The following EPHA5 variants were observed in gnomAD, a reference collection of about 807,000 sequenced individuals.
EPHA5 encodes ephrin type-A receptor 5.
A neutral mutation model predicts 105.0 loss-of-function variants in EPHA5; 60 were observed. The ratio of observed to expected loss-of-function variants is 0.57; its 90% confidence interval spans 0.46 to 0.71. The LOEUF is 0.71. Ranked by LOEUF, EPHA5 falls within the 30% of genes least tolerant of loss-of-function variation. EPHA5 has a pLI of 0.00. For synonymous variants in EPHA5, 513 were observed against 449.1 expected (o/e 1.14, Z -1.80); for missense variants, 1,218 against 1,274.7 (o/e 0.96, Z 0.68).
At chr4:65,594,975 T>G (rs1368167299) in intron 3 of EPHA5, among the ~76,000 whole-genome samples, 1 of 152,080 alleles carries the variant, frequency 6.6e-6, no homozygotes, top group Non-Finnish European at 1.5e-5. Context: ...ATTTCTCAGA[T>G]TTTTATAAGC....
intron 8 of EPHA5, among the ~76,000 whole-genome samples, chr4:65,367,841 G>T (rs1426637665): frequency 2.0e-5 from 3 of 151,826 alleles, no homozygotes; most frequent in Non-Finnish European, 2.9e-5. Flanking sequence ...CTGCACAATA[G>T]ATTTTTGATT....
At chr4:65,372,539 A>G (rs988413556) in intron 8 of EPHA5, among the ~76,000 whole-genome samples, 27 of 152,026 alleles carry the variant, frequency 1.8e-4, no homozygotes, top group African/African-American at 6.5e-4. Context: ...TTTAAGTTAG[A>G]CAAAAAGGGC....
At chr4:65,427,117 C>G (rs1372168092) in intron 5 of EPHA5, among the ~76,000 whole-genome samples, 7 of 150,610 alleles carry the variant, frequency 4.6e-5, no homozygotes, top group Non-Finnish European at 1.0e-4. Context: ...CACACAATTT[C>G]ATATTTATAT....
intron 1 of EPHA5, among the ~76,000 whole-genome samples, chr4:65,668,335 C>T (rs979144082): frequency 6.6e-6 from 1 of 152,144 alleles, no homozygotes. Context: ...TCTAGTGTCC[C>T]GTGCCCAGGA....
intron 3 of EPHA5, among the ~76,000 whole-genome samples, chr4:65,550,083 T>A (rs1482906002): frequency 6.6e-6 from 1 of 152,036 alleles, no homozygotes; most frequent in African/African-American, 2.4e-5. Flanking sequence ...CTTAGGAATT[T>A]TTTTCAAAGC....
intron 1 of EPHA5, among the ~76,000 whole-genome samples, chr4:65,659,428 G>C (rs1749368352): frequency 6.6e-6 from 1 of 151,356 alleles, no homozygotes; most frequent in South Asian, 2.1e-4. Context: ...CTCCCCTTGT[G>C]CCAGTGGGGA....
At chr4:65,640,538 G>A (rs1053972225) in intron 2 of EPHA5, among the ~76,000 whole-genome samples, 4 of 151,906 alleles carry the variant, frequency 2.6e-5, no homozygotes, top group East Asian at 3.9e-4. Context: ...CACCCGCCTC[G>A]GCCTCCCAAA....
intron 1 of EPHA5, among the ~76,000 whole-genome samples, chr4:65,667,185 G>T (rs892582577): frequency 6.6e-6 from 1 of 152,078 alleles, no homozygotes; most frequent in Non-Finnish European, 1.5e-5. Context: ...AACATTTTAT[G>T]AATATTTTAG....
intron 5 of EPHA5, among the ~76,000 whole-genome samples, chr4:65,489,513 T>G (rs749565275): frequency 1.3e-5 from 2 of 152,144 alleles, no homozygotes; most frequent in Admixed American, 1.3e-4. Context: ...TAGAGGAAAG[T>G]TACAACTTTT....
chr4:65,650,435 C>T (rs944650383), intron 1 of EPHA5, among the ~76,000 whole-genome samples: 3 of 151,618 alleles, frequency 2.0e-5, no homozygotes, highest in African/African-American at 7.3e-5. Flanking sequence ...TGGCGGGCGC[C>T]CGTAGTCCCA....
At chr4:65,324,476 G>A (rs1719888876) in intron 16 of EPHA5, among the ~76,000 whole-genome samples, 1 of 151,394 alleles carries the variant, frequency 6.6e-6, no homozygotes, top group African/African-American at 2.4e-5. Flanking sequence ...TTTTAGTGGT[G>A]CAGAGTGGTG....
intron 5 of EPHA5, among the ~76,000 whole-genome samples, chr4:65,431,179 T>G (rs570105816): frequency 6.6e-6 from 1 of 152,280 alleles, no homozygotes; most frequent in East Asian, 1.9e-4. Flanking sequence ...CTCCGCATGC[T>G]GCACCATAGA....
intron 11 of EPHA5, among the ~76,000 whole-genome samples, chr4:65,363,543 C>T (rs1024714364): frequency 6.6e-6 from 1 of 151,416 alleles, no homozygotes; most frequent in Non-Finnish European, 1.5e-5. Flanking sequence ...ATGGAGTTTG[C>T]ATTTACCCTG....
At chr4:65,653,094 G>A (rs1253866914) in intron 1 of EPHA5, among the ~76,000 whole-genome samples, 1 of 152,032 alleles carries the variant, frequency 6.6e-6, no homozygotes, top group African/African-American at 2.4e-5. Flanking sequence ...TAATGCTTAA[G>A]TGAATTATAC....
intron 16 of EPHA5, among the ~76,000 whole-genome samples, chr4:65,329,061 G>A (rs914082533): frequency 6.6e-6 from 1 of 151,132 alleles, no homozygotes; most frequent in Non-Finnish European, 1.5e-5. Flanking sequence ...GTACTGATAC[G>A]AAAATAAGTT....
intron 5 of EPHA5, among the ~76,000 whole-genome samples, chr4:65,428,121 GT>G (rs1490360829): frequency 6.6e-6 from 1 of 151,864 alleles, no homozygotes; most frequent in African/African-American, 2.4e-5. Flanking sequence ...TGCTATCTTT[GT>G]TTTGGGGTAC....
At chr4:65,667,759 C>G (rs1750078859) in intron 1 of EPHA5, among the ~76,000 whole-genome samples, 1 of 152,176 alleles carries the variant, frequency 6.6e-6, no homozygotes, top group African/African-American at 2.4e-5. Context: ...AAGAGCGACT[C>G]CCTTTCATCT....
At chr4:65,511,761 A>C (rs1451871960) in intron 3 of EPHA5, among the ~76,000 whole-genome samples, 2 of 152,188 alleles carry the variant, frequency 1.3e-5, no homozygotes, top group African/African-American at 2.4e-5. Context: ...AACATCTTTT[A>C]ATATCTCAGA....
intron 2 of EPHA5, among the ~76,000 whole-genome samples, chr4:65,641,478 C>G (rs1357607130): frequency 6.6e-6 from 1 of 152,034 alleles, no homozygotes; most frequent in Admixed American, 6.6e-5. Flanking sequence ...CTATATTTCA[C>G]CTACGATTAT....
Sources: gnomAD v4.1 joint callset for allele counts (sites outside exome capture counted in the v4.1 genomes callset) on GRCh38, gnomAD v4.1.1 for gene constraint, MANE v1.5 for transcripts, NCBI Gene and HGNC (gene_info 2026-07-23, HGNC 2026-07-21) for gene names.